The following SSX2IP variants were observed in gnomAD, a reference collection of about 807,000 sequenced individuals.
SSX2IP encodes the protein SSX family member 2 interacting protein.
In SSX2IP, 55 loss-of-function variants were observed where a neutral mutation model predicts 84.9. The observed-to-expected ratio is 0.65, with a 90% CI of 0.52 to 0.81. The LOEUF is 0.81. Among genes scored for constraint, SSX2IP ranks in the 30% least tolerant of loss-of-function variants. The probability of loss-of-function intolerance (pLI) is 0.00; values close to 1 mark genes in which losing one functional copy is unlikely to be tolerated. For synonymous variants in SSX2IP, 239 were observed against 234.7 expected, an observed-to-expected ratio of 1.02 and a Z score of -0.17; for missense variants, 664 against 705.2, an observed-to-expected ratio of 0.94 and a Z score of 0.66.
At chr1:84,684,495 T>G (rs1285911147) in intron 1 of SSX2IP, among the ~76,000 whole-genome samples, 1 of 152,202 alleles carries the variant, frequency 6.6e-6, no homozygotes, top group Non-Finnish European at 1.5e-5. Context: ...AATGCCTGGC[T>G]AAGCAGCTTA....
At chr1:84,666,349 T>C (rs936545429) in intron 4 of SSX2IP, 117 bp from the exon 5 acceptor site, 6 of 701,160 alleles carry the variant, frequency 8.6e-6, no homozygotes, top group Admixed American at 5.9e-5. Flanking sequence ...CAAAATCAAA[T>C]GTTAGTGGCA....
At chr1:84,690,610 G>C (rs1481093877), upstream of SSX2IP, 1 of 152,308 alleles carries the variant, frequency 6.6e-6, no homozygotes, top group Non-Finnish European at 1.5e-5. Flanking sequence ...TCCGCCAGTT[G>C]CTAGGCGATG....
At chr1:84,655,073 A>G (rs1427330246) in intron 11 of SSX2IP, among the ~76,000 whole-genome samples, 2 of 152,148 alleles carry the variant, frequency 1.3e-5, no homozygotes, top group Non-Finnish European at 2.9e-5. Context: ...GATGTGAATG[A>G]GGAAGGGTGT....
At position 84,645,621 on chromosome 1, in the gene SSX2IP, C is replaced by T. The variant is rs941116504; in HGVS notation, c.*1812G>A. On this transcript the variant is annotated 3_prime_UTR_variant, in exon 14 of 14. Coordinates refer to ENST00000342203, the MANE Select transcript of SSX2IP (RefSeq NM_001166293.2). The stretch of plus-strand genomic sequence containing the variant: ...TTCTTGCAAAGTACACCATGGAAAA[C>T]CCTCGGGGGAAAATTGTTGCCAAAT... 2 of 152,086 alleles carry T rather than the reference C, an allele frequency of 1.3e-5. No homozygotes were observed. The highest frequency in any genetic ancestry group is 6.6e-5 in the Admixed American group (1 of 15,248). The allele number at this position is 152,086 out of a possible 1,614,324, so 9.4% of individuals were successfully genotyped here.
At position 84,670,632 on chromosome 1, in the gene SSX2IP, C is replaced by T. The variant is rs745443894; in HGVS notation, c.213+14G>A. ...ACATGATTTATGCTACTGTTTTTTACAAAAACATGTTACCTGATCAAGATA... is the reference window on the plus strand; with the variant it reads ...ACATGATTTATGCTACTGTTTTTTATAAAAACATGTTACCTGATCAAGATA... On this transcript the variant is annotated intron_variant, in intron 3 of 13. Coordinates refer to ENST00000342203, the MANE Select transcript of SSX2IP (RefSeq NM_001166293.2). 6.5e-7 allele frequency: 1 copy of T among 1,545,044 alleles called. No individual in the cohort carries two copies. Among genetic ancestry groups the T allele is most frequent in the Non-Finnish European group, 8.8e-7 (1 of 1,139,376 alleles).
chr1:84,665,013 G>T (rs1004759689), intron 5 of SSX2IP, among the ~76,000 whole-genome samples: 5 of 152,086 alleles, frequency 3.3e-5, no homozygotes, highest in African/African-American at 1.2e-4. Context: ...CAATTCTCGA[G>T]TAAGAGTAAG....
Position 84,671,308 on chromosome 1 carries a change from C to CAGA in SSX2IP, c.-89-1_-89insTCT. 6.5e-7 allele frequency: 1 copy of CAGA among 1,546,394 alleles called. No homozygotes were observed. On this transcript the variant is annotated splice_region_variant and 5_prime_UTR_variant. Transcript: ENST00000342203. ...CTGTCACTCTTCTATGTAGGCATCTCCTTAAAAAGCAGATTATAGAATAAT... is the reference window on the plus strand; with the variant it reads ...CTGTCACTCTTCTATGTAGGCATCTCAGACTTAAAAAGCAGATTATAGAATAAT...
At chr1:84,664,034 G>T (rs1174240699) in intron 6 of SSX2IP, among the ~76,000 whole-genome samples, 1 of 152,112 alleles carries the variant, frequency 6.6e-6, no homozygotes, top group Non-Finnish European at 1.5e-5. Context: ...AAACTGACAT[G>T]AACGATTTGG....
intron 5 of SSX2IP, among the ~76,000 whole-genome samples, chr1:84,665,153 T>C (rs1652598648): frequency 6.6e-6 from 1 of 152,202 alleles, no homozygotes; most frequent in Non-Finnish European, 1.5e-5. Flanking sequence ...TATTCTTTTA[T>C]AAAGCCATTC....
intron 1 of SSX2IP, among the ~76,000 whole-genome samples, chr1:84,686,952 C>G (rs942736734): frequency 4.0e-5 from 6 of 151,536 alleles, no homozygotes; most frequent in African/African-American, 1.5e-4. Context: ...AATGTAGAGG[C>G]TTTATTAGAC....
In SSX2IP at chr1:84,675,178, G is replaced by A. The variant is rs565146717; in HGVS notation, c.-89-3870C>T. On this transcript the variant is annotated intron_variant, in intron 1 of 13. Coordinates refer to ENST00000342203, the MANE Select transcript of SSX2IP (RefSeq NM_001166293.2). ...CAACCAAGAAGGACTCCATTACAAA[G>A]TCAGTGCAGGAACACACGTTCATAT... Among the ~76,000 whole-genome samples the A allele has an allele frequency of 2.6e-3, 391 of 152,252 alleles. 2 individuals are homozygous for A. The highest frequency in any genetic ancestry group is 6.8e-3 in the Middle Eastern group (2 of 294).
In SSX2IP at chr1:84,655,308, ATTT is replaced by A. The variant is rs11333107; in HGVS notation, c.1389+521_1389+523del. 28 of 852,554 alleles carry A rather than the reference ATTT, an allele frequency of 3.3e-5. No homozygotes were observed. In the African/African-American group the frequency reaches 5.0e-4, roughly 15 times the overall value. The allele number at this position is 852,554 out of a possible 1,614,324, so 52.8% of individuals were successfully genotyped here. The stretch of plus-strand genomic sequence containing the variant: ...TAGCTTTTTTTAATGAGTTTTGTTG[ATTT>A]TTTTTTTTTAACCTTATTCAGACAT... On this transcript the variant is annotated intron_variant, in intron 11 of 13. Transcript: ENST00000342203.
At chr1:84,658,236 T>C (rs964970549) in intron 9 of SSX2IP, 82 bp downstream of exon 9, 2 of 1,524,210 alleles carry the variant, frequency 1.3e-6, no homozygotes, top group Non-Finnish European at 1.8e-6. Context: ...TCTGAGCCTA[T>C]AATGCGGCTT....
chr1:84,683,211 A>G lies in SSX2IP; in HGVS notation c.-90+7160T>C, dbSNP rs756743678. Among the ~76,000 whole-genome samples, 35 of 152,080 alleles carry G rather than the reference A, an allele frequency of 2.3e-4. No homozygotes were observed. The South Asian group carries it at 3.9e-3, about 17-fold the overall frequency. On this transcript the variant is annotated intron_variant, in intron 1 of 13. Coordinates refer to ENST00000342203, the MANE Select transcript of SSX2IP (RefSeq NM_001166293.2). Reference sequence around the variant, plus strand: ...AACGTGCAGGTTTGCTGCACCTATCAATCCGTCATCTAGGTTTTAAGCCCC... The same window carrying G: ...AACGTGCAGGTTTGCTGCACCTATCGATCCGTCATCTAGGTTTTAAGCCCC...
At chr1:84,649,853 G>T (rs1027374004) in intron 13 of SSX2IP, 2 of 477,294 alleles carry the variant, frequency 4.2e-6, no homozygotes, top group Non-Finnish European at 8.2e-6. Context: ...CAACATATGG[G>T]TTTCCCAGGG....
At chr1:84,649,888 G>A (rs780213262) in intron 13 of SSX2IP, 1 of 521,070 alleles carries the variant, frequency 1.9e-6, no homozygotes, top group East Asian at 5.3e-5. Flanking sequence ...TTTTTACACT[G>A]TCATCCTTGG....
chr1:84,650,125 A>G (rs1650009036), intron 13 of SSX2IP: 2 of 618,066 alleles, frequency 3.2e-6, no homozygotes, highest in South Asian at 2.0e-5. Flanking sequence ...GACACACATC[A>G]TATGATTTAC....
chr1:84,668,001 CA>C (rs1409472745), intron 4 of SSX2IP, among the ~76,000 whole-genome samples: 1 of 152,120 alleles, frequency 6.6e-6, no homozygotes, highest in African/African-American at 2.4e-5. Context: ...TTTTGTTCAA[CA>C]AGTTGGATTA....
At chr1:84,688,063 G>A (rs1306098480) in intron 1 of SSX2IP, among the ~76,000 whole-genome samples, 1 of 144,590 alleles carries the variant, frequency 6.9e-6, no homozygotes, top group Non-Finnish European at 1.5e-5. Flanking sequence ...TTATCCTCAG[G>A]TCAGGCAAGT....
Sources: gnomAD v4.1 joint callset for allele counts (sites outside exome capture counted in the v4.1 genomes callset) on GRCh38, gnomAD v4.1.1 for gene constraint, MANE v1.5 for transcripts, NCBI Gene and HGNC (gene_info 2026-07-23, HGNC 2026-07-21) for gene names.